Variants in KCNMA1 observed in about 807,000 individuals in gnomAD.
KCNMA1 encodes the protein potassium calcium-activated channel subfamily M alpha 1, also known as Calcium-activated potassium channel subunit alpha-1.
KCNMA1 carries 29 observed loss-of-function variants against 140.0 expected under a neutral mutation model. The ratio of observed to expected loss-of-function variants is 0.21; its 90% CI spans 0.15 to 0.28. The LOEUF is 0.28. Among genes scored for constraint, KCNMA1 ranks in the 10% least tolerant of loss-of-function variants. KCNMA1 has a pLI of 1.00. For synonymous variants in KCNMA1, 612 were observed against 611.9 expected, an observed-to-expected ratio of 1.00 and a Z score of 0.00; for missense variants, 880 against 1,602.2, an observed-to-expected ratio of 0.55 and a Z score of 7.70.
intron 12 of KCNMA1, among the ~76,000 whole-genome samples, chr10:77,080,974 G>A (rs183452298): frequency 1.4e-4 from 21 of 152,200 alleles, no homozygotes; most frequent in Middle Eastern, 3.4e-3. Context: ...TGACTTAAAC[G>A]CTGGTTAAAA....
intron 3 of KCNMA1, among the ~76,000 whole-genome samples, chr10:77,234,905 A>AC (rs2054865218): frequency 6.6e-6 from 1 of 152,344 alleles, no homozygotes; most frequent in Non-Finnish European, 1.5e-5. Context: ...TGTTCAACTG[A>AC]GAAAGCTAAG....
intron 19 of KCNMA1, among the ~76,000 whole-genome samples, chr10:76,978,132 G>A (rs1003749404): frequency 6.6e-6 from 1 of 152,196 alleles, no homozygotes; most frequent in Non-Finnish European, 1.5e-5. Flanking sequence ...TTAGTTGGAG[G>A]ATACATGGTG....
intron 9 of KCNMA1, among the ~76,000 whole-genome samples, chr10:77,097,498 C>T (rs1187074672): frequency 1.3e-5 from 2 of 152,090 alleles, no homozygotes; most frequent in African/African-American, 4.8e-5. Flanking sequence ...GACTCTATCC[C>T]ATGGTAAGTG....
intron 14 of KCNMA1, among the ~76,000 whole-genome samples, chr10:77,050,044 G>A (rs1354808329): frequency 1.3e-5 from 2 of 152,072 alleles, no homozygotes; most frequent in African/African-American, 2.4e-5. Context: ...TAGAAGTCCT[G>A]CCTGCATTCC....
At chr10:77,295,827 G>A (rs902029372) in intron 2 of KCNMA1, among the ~76,000 whole-genome samples, 5 of 128,948 alleles carry the variant, frequency 3.9e-5, no homozygotes, top group African/African-American at 6.1e-5. Context: ...ACAGTTTTCA[G>A]CTCTGGGAAG....
At chr10:77,425,825 C>T (rs1414292075) in intron 1 of KCNMA1, among the ~76,000 whole-genome samples, 1 of 152,200 alleles carries the variant, frequency 6.6e-6, no homozygotes, top group Non-Finnish European at 1.5e-5. Flanking sequence ...AGTCTGCTGG[C>T]CTCCAGTCTG....
intron 1 of KCNMA1, among the ~76,000 whole-genome samples, chr10:77,501,646 G>A (rs1459273345): frequency 1.3e-5 from 2 of 152,210 alleles, no homozygotes; most frequent in Non-Finnish European, 2.9e-5. Flanking sequence ...GAGCTGAGCA[G>A]AGGCTGACCC....
intron 3 of KCNMA1, among the ~76,000 whole-genome samples, chr10:77,219,132 C>T (rs2048747546): frequency 1.3e-5 from 2 of 152,282 alleles, no homozygotes; most frequent in South Asian, 2.1e-4. Flanking sequence ...AGCACAGCAG[C>T]CATGCCTCCA....
intron 10 of KCNMA1, 47 bp from the exon 11 acceptor site, chr10:77,086,640 G>A (rs1277218405): frequency 8.0e-6 from 11 of 1,379,604 alleles, no homozygotes; most frequent in East Asian, 6.9e-5. Context: ...GGACTCGGGG[G>A]TTTCAGCCTC....
At chr10:77,408,359 T>C (rs2154473106) in intron 1 of KCNMA1, among the ~76,000 whole-genome samples, 2 of 152,198 alleles carry the variant, frequency 1.3e-5, no homozygotes, top group African/African-American at 4.8e-5. Flanking sequence ...CCGATGTCAG[T>C]CAGGAAATCA....
intron 2 of KCNMA1, among the ~76,000 whole-genome samples, chr10:77,308,490 G>A (rs2078383112): frequency 6.6e-6 from 1 of 152,178 alleles, no homozygotes; most frequent in Non-Finnish European, 1.5e-5. Context: ...TTACAGAAAT[G>A]CATTCCCATT....
chr10:77,001,924 A>G (rs879368475), intron 18 of KCNMA1, among the ~76,000 whole-genome samples: 4 of 152,168 alleles, frequency 2.6e-5, no homozygotes, highest in African/African-American at 4.8e-5. Flanking sequence ...AACGTAACCA[A>G]CACTTTTCCC....
chr10:77,512,155 A>C lies in KCNMA1; in HGVS notation c.379-108132T>G, dbSNP rs571809714. Among the ~76,000 whole-genome samples, 3 of 152,342 alleles carry C rather than the reference A, an allele frequency of 2.0e-5. No homozygotes were observed. In the East Asian group the frequency reaches 5.8e-4, roughly 29 times the overall value. The stretch of plus-strand genomic sequence containing the variant: ...ACAAAGAAAGGCAGACCTGTAACTT[A>C]TCTGGTTTCTCTTTTGTTTAAATTC... On this transcript the variant is annotated intron_variant, in intron 1 of 27. Coordinates refer to ENST00000286628, the MANE Select transcript of KCNMA1 (RefSeq NM_001161352.2).
At chr10:77,254,423 A>T (rs1003626160) in intron 2 of KCNMA1, among the ~76,000 whole-genome samples, 5 of 152,008 alleles carry the variant, frequency 3.3e-5, no homozygotes, top group Admixed American at 3.3e-4. Flanking sequence ...GGGTTTCACC[A>T]TGTTGGCCAG....
chr10:77,509,471 C>T (rs1333136429), intron 1 of KCNMA1, among the ~76,000 whole-genome samples: 2 of 152,122 alleles, frequency 1.3e-5, no homozygotes, highest in African/African-American at 4.8e-5. Flanking sequence ...TTGCAAATAT[C>T]GTTTTGATTT....
intron 1 of KCNMA1, among the ~76,000 whole-genome samples, chr10:77,421,751 G>A (rs1161047369): frequency 1.3e-5 from 2 of 152,258 alleles, no homozygotes; most frequent in African/African-American, 2.4e-5. Flanking sequence ...CCCACAGCCT[G>A]TGGTGTGCCA....
At chr10:77,113,683 C>T (rs1462090213) in intron 6 of KCNMA1, among the ~76,000 whole-genome samples, 1 of 152,186 alleles carries the variant, frequency 6.6e-6, no homozygotes, top group African/African-American at 2.4e-5. Context: ...AGGCTGATCT[C>T]GAACTCTTGA....
intron 3 of KCNMA1, among the ~76,000 whole-genome samples, chr10:77,220,930 T>G (rs1475162312): frequency 6.6e-6 from 1 of 152,114 alleles, no homozygotes; most frequent in African/African-American, 2.4e-5. Context: ...TCAATAAAAT[T>G]ATCAATCGCT....
In KCNMA1 at chr10:77,611,473, C is replaced by T. The variant is rs146598415; in HGVS notation, c.378+25792G>A. On this transcript the variant is annotated intron_variant, in intron 1 of 27. Coordinates refer to ENST00000286628, the MANE Select transcript of KCNMA1 (RefSeq NM_001161352.2). Reference sequence around the variant, plus strand: ...TCAAGGCTCATCTGAAGTCATCCACCTTTCCAACTATATGAGTCAATGGAG... The same window carrying T: ...TCAAGGCTCATCTGAAGTCATCCACTTTTCCAACTATATGAGTCAATGGAG... 7.2e-5 allele frequency among the ~76,000 whole-genome samples: 11 copies of T among 152,300 alleles called. No homozygotes were observed. In the East Asian group the frequency reaches 2.1e-3, roughly 29 times the overall value.
Sources: gnomAD v4.1 joint callset for allele counts (sites outside exome capture counted in the v4.1 genomes callset) on GRCh38, gnomAD v4.1.1 for gene constraint, MANE v1.5 for transcripts, NCBI Gene and HGNC (gene_info 2026-07-23, HGNC 2026-07-21) for gene names.